Variants in LTBP1 observed in about 807,000 individuals in gnomAD.
LTBP1 encodes latent transforming growth factor beta binding protein 1.
In LTBP1, 129 loss-of-function variants were observed where a neutral mutation model predicts 207.6. The observed-to-expected ratio is 0.62, with a 90% confidence interval of 0.54 to 0.72. LTBP1 has a LOEUF of 0.72. Ranked by LOEUF, LTBP1 falls within the 30% of genes least tolerant of loss-of-function variation. LTBP1 has a pLI of 0.00. For synonymous variants in LTBP1, 963 were observed against 833.7 expected, an observed-to-expected ratio of 1.16 and a Z score of -2.67; for missense variants, 2,281 against 2,217.2, an observed-to-expected ratio of 1.03 and a Z score of -0.58.
chr2:33,348,316 G>C (rs2094731854), intron 26 of LTBP1, among the ~76,000 whole-genome samples: 1 of 152,072 alleles, frequency 6.6e-6, no homozygotes, highest in Non-Finnish European at 1.5e-5. Context: ...GCAAGTAATA[G>C]GAAATGAAAT....
intron 15 of LTBP1, among the ~76,000 whole-genome samples, chr2:33,268,494 T>C (rs1227829581): frequency 4.6e-5 from 7 of 152,228 alleles, no homozygotes; most frequent in Admixed American, 3.3e-4. Flanking sequence ...TGACATGTGA[T>C]AATTATAAAG....
At chr2:33,039,415 G>A (rs2076077720) in intron 3 of LTBP1, among the ~76,000 whole-genome samples, 1 of 151,994 alleles carries the variant, frequency 6.6e-6, no homozygotes, top group South Asian at 2.1e-4. Flanking sequence ...GTAGCTATAA[G>A]GGGAAACAGT....
At chr2:33,046,477 G>A (rs190327331) in intron 3 of LTBP1, among the ~76,000 whole-genome samples, 1 of 152,272 alleles carries the variant, frequency 6.6e-6, no homozygotes, top group East Asian at 1.9e-4. Flanking sequence ...CTTGATCGTG[G>A]TGGATAAGCT....
At chr2:33,111,471 G>C (rs1274727163) in intron 4 of LTBP1, among the ~76,000 whole-genome samples, 1 of 152,224 alleles carries the variant, frequency 6.6e-6, no homozygotes, top group African/African-American at 2.4e-5. Context: ...CATGTTGACT[G>C]ATTGCCTGCA....
At chr2:33,352,436 A>G (rs2094794712) in intron 26 of LTBP1, among the ~76,000 whole-genome samples, 1 of 152,068 alleles carries the variant, frequency 6.6e-6, no homozygotes, top group African/African-American at 2.4e-5. Context: ...AACTCTGTCT[A>G]TTTATTAATT....
chr2:33,148,721 G>A (rs144971424), intron 5 of LTBP1, among the ~76,000 whole-genome samples: 404 of 152,216 alleles, frequency 2.7e-3, no homozygotes, highest in African/African-American at 8.1e-3. Context: ...GAAATATTTG[G>A]TTCACACTCA....
chr2:33,364,876 T>C (rs138897860), intron 30 of LTBP1, among the ~76,000 whole-genome samples: 4 of 152,318 alleles, frequency 2.6e-5, no homozygotes, highest in African/African-American at 7.2e-5. Context: ...TGAAGTCAAT[T>C]GAAAGGTAGG....
intron 24 of LTBP1, among the ~76,000 whole-genome samples, chr2:33,318,416 T>TAA (rs2094304406): frequency 6.6e-6 from 1 of 152,186 alleles, no homozygotes; most frequent in African/African-American, 2.4e-5. Context: ...GGGTAAAACA[T>TAA]ACAATTCTTG....
chr2:33,204,510 A>G (rs1197371532), intron 7 of LTBP1, among the ~76,000 whole-genome samples: 1 of 152,236 alleles, frequency 6.6e-6, no homozygotes, highest in East Asian at 1.9e-4. Flanking sequence ...AGAATCTGCA[A>G]GCTCTAACGG....
At chr2:33,357,517 C>T (rs537632121) in intron 26 of LTBP1, among the ~76,000 whole-genome samples, 6 of 152,092 alleles carry the variant, frequency 3.9e-5, no homozygotes, top group South Asian at 4.1e-4. Context: ...TTTTCTCTTC[C>T]GGGAAGTGAG....
chr2:32,967,757 T>C (rs1003855260), intron 2 of LTBP1, among the ~76,000 whole-genome samples: 5 of 152,342 alleles, frequency 3.3e-5, no homozygotes, highest in East Asian at 1.9e-4. Flanking sequence ...TTGGTGAATG[T>C]GCTACGTAAT....
chr2:33,199,862 A>C (rs1436142162), intron 7 of LTBP1, among the ~76,000 whole-genome samples: 1 of 152,060 alleles, frequency 6.6e-6, no homozygotes, highest in African/African-American at 2.4e-5. Flanking sequence ...TCATGAGTGA[A>C]CTCCCATTCA....
intron 24 of LTBP1, among the ~76,000 whole-genome samples, chr2:33,332,621 A>G (rs529122059): frequency 2.0e-5 from 3 of 151,002 alleles, no homozygotes; most frequent in South Asian, 2.1e-4. Flanking sequence ...CAGTGGTGCT[A>G]TCTGGGCTCA....
intron 24 of LTBP1, chr2:33,317,609 C>T (rs1049998839): frequency 1.3e-5 from 2 of 152,192 alleles, no homozygotes; most frequent in African/African-American, 4.8e-5. Context: ...TGAAATTTAG[C>T]AATGGAGCAG....
At chr2:32,968,681 C>G (rs1680352976) in intron 2 of LTBP1, among the ~76,000 whole-genome samples, 1 of 150,144 alleles carries the variant, frequency 6.7e-6, no homozygotes, top group African/African-American at 2.4e-5. Flanking sequence ...CTATTCATTG[C>G]CCTTGTTTTT....
chr2:32,978,516 T>G (rs1471404380), intron 2 of LTBP1, among the ~76,000 whole-genome samples: 1 of 152,220 alleles, frequency 6.6e-6, no homozygotes, highest in Non-Finnish European at 1.5e-5. Flanking sequence ...GATTTGCATA[T>G]GTTGAACCAT....
intron 18 of LTBP1, among the ~76,000 whole-genome samples, chr2:33,276,427 T>TA (rs2093427834): frequency 6.6e-6 from 1 of 152,254 alleles, no homozygotes; most frequent in African/African-American, 2.4e-5. Context: ...TTCCTCATTA[T>TA]TGACCACAGC....
intron 2 of LTBP1, among the ~76,000 whole-genome samples, chr2:32,995,055 G>A (rs1193089407): frequency 1.3e-5 from 2 of 151,996 alleles, no homozygotes; most frequent in South Asian, 2.1e-4. Flanking sequence ...GTGGTAGTAC[G>A]TGCCTGTAGT....
chr2:33,350,779 GC>G (rs2094770675), intron 26 of LTBP1, among the ~76,000 whole-genome samples: 1 of 146,188 alleles, frequency 6.8e-6, no homozygotes, highest in Non-Finnish European at 1.5e-5. Context: ...TTTCCTTAGT[GC>G]CTGTGATAAT....
Sources: gnomAD v4.1 joint callset for allele counts (sites outside exome capture counted in the v4.1 genomes callset) on GRCh38, gnomAD v4.1.1 for gene constraint, MANE v1.5 for transcripts, NCBI Gene and HGNC (gene_info 2026-07-23, HGNC 2026-07-21) for gene names.